BICRA: variants seen among roughly 807,000 people sequenced by gnomAD.
BICRA encodes the protein BRD4 interacting chromatin remodeling complex associated protein.
Under a neutral mutation model 96.9 loss-of-function variants are expected in BICRA, and 31 were observed. The observed-to-expected ratio is 0.32, with a 90% CI of 0.24 to 0.43. The LOEUF is 0.43. Among genes scored for constraint, BICRA ranks in the 20% least tolerant of loss-of-function variants. BICRA has a pLI of 1.00. For missense variants in BICRA, 2,283 were observed against 2,190.3 expected, an observed-to-expected ratio of 1.04 and a Z score of -0.84; for synonymous variants, 1,350 against 1,071.8, an observed-to-expected ratio of 1.26 and a Z score of -5.07.
chr19:47,685,789 G>GCGCGCGCGCGCGCA (rs1555790147), intron 7 of BICRA, among the ~76,000 whole-genome samples: 1 of 117,828 alleles, frequency 8.5e-6, no homozygotes, highest in Admixed American at 8.2e-5. Flanking sequence ...GTGTGTGTGC[G>GCGCGCGCGCGCGCA]CGCGCGCGCG....
intron 1 of BICRA, among the ~76,000 whole-genome samples, chr19:47,659,207 A>G (rs189822084): frequency 1.1e-3 from 160 of 152,342 alleles, no homozygotes; most frequent in African/African-American, 3.6e-3. Flanking sequence ...TCGCTTTATG[A>G]GCAATCTAAG....
rs1037664603 is a variant in BICRA at position 47,681,230 on chromosome 19, C to G, written c.2060C>G (p.Pro687Arg). Residue 687 changes from proline to arginine, a missense_variant, in exon 6 of 15, where the codon CCC becomes CGC. Coordinates refer to ENST00000594866, the MANE Select transcript of BICRA (RefSeq NM_001394372.1). ...CTGGGGCAGCCGCCCTCTGCCACCCCCACGGCCATCCTCACTCAGGACTCC... is the reference window on the plus strand; with the variant it reads ...CTGGGGCAGCCGCCCTCTGCCACCCGCACGGCCATCCTCACTCAGGACTCC... ...IVLGQPPSAT[P>R]TAILTQDSLQ... 44 of 1,536,940 alleles carry G rather than the reference C, an allele frequency of 2.9e-5. No homozygotes were observed. The highest frequency in any genetic ancestry group is 3.6e-5 in the Non-Finnish European group (41 of 1,147,236).
At position 47,699,281 on chromosome 19, in the gene BICRA, G is replaced by T. The variant is rs768352483; in HGVS notation, c.3493-22G>T. 2.1e-6 allele frequency: 3 copies of T among 1,404,924 alleles called. No individual in the cohort carries two copies. Among genetic ancestry groups the T allele is most frequent in the Non-Finnish European group, 2.0e-6 (2 of 1,012,452 alleles). 87.0% of individuals were successfully genotyped at this position (1,404,924 alleles called of 1,614,324 possible). On this transcript the variant is annotated intron_variant, in intron 13 of 14. Coordinates refer to ENST00000594866, the MANE Select transcript of BICRA (RefSeq NM_001394372.1). This position sits in a 1 kb window ranked among gnomAD's most constrained non-coding sequence, Gnocchi z 5.0. ...CCCCTTCTTGCTGGTTCACTCGCAC[G>T]TCGTCTTTTCCCCCACCCCAGAGGG... is the stretch of plus-strand genomic sequence containing the variant.
chr19:47,683,565 T>C (rs1973098144), intron 7 of BICRA, among the ~76,000 whole-genome samples: 1 of 150,738 alleles, frequency 6.6e-6, no homozygotes, highest in Non-Finnish European at 1.5e-5. Flanking sequence ...AGTCATAACA[T>C]AACAGGTTAG....
chr19:47,616,690 C>T (rs1285274606), intron 1 of BICRA, among the ~76,000 whole-genome samples: 1 of 151,964 alleles, frequency 6.6e-6, no homozygotes, highest in African/African-American at 2.4e-5. Context: ...CCACAATTTC[C>T]TCTTCTGTAA....
intron 1 of BICRA, among the ~76,000 whole-genome samples, chr19:47,611,885 T>G (rs1190600908): frequency 6.6e-6 from 1 of 152,002 alleles, no homozygotes; most frequent in Non-Finnish European, 1.5e-5. Flanking sequence ...TTTTTTTTTT[T>G]TTTGAGACAG....
At position 47,694,364 on chromosome 19, in the gene BICRA, C is replaced by G. The variant is rs756624863; in HGVS notation, c.2533C>G (p.Pro845Ala). The G allele has an allele frequency of 2.3e-6, 3 of 1,317,488 alleles. No homozygotes were observed. In the African/African-American group the frequency reaches 4.5e-5, roughly 20 times the overall value. The allele number at this position is 1,317,488 out of a possible 1,614,324, so 81.6% of individuals were successfully genotyped here. The part of the protein sequence containing the change: ...FVIQNQLGVP[P>A]PASNPAPTAP... ...CATCCAAAACCAGCTAGGCGTTCCC[C>G]CGCCTGCCAGCAACCCGGCCCCTAC... Residue 845 changes from proline to alanine, a missense_variant, in exon 8 of 15, where the codon CCG (proline) becomes GCG (alanine). By Grantham distance (27) the Pro-to-Ala change is conservative. Coordinates refer to ENST00000594866, the MANE Select transcript of BICRA (RefSeq NM_001394372.1).
rs1332495875 is a variant in BICRA, at chr19:47,702,136, G to T, written c.4404G>T (p.Gly1468=). The T allele has an allele frequency of 1.3e-6, 2 of 1,542,346 alleles. No homozygotes were observed. The highest frequency in any genetic ancestry group is 1.7e-6 in the Non-Finnish European group (2 of 1,152,072). Residue 1468 remains glycine, a synonymous_variant, in exon 15 of 15, where the codon GGG becomes GGT. Coordinates refer to ENST00000594866, the MANE Select transcript of BICRA (RefSeq NM_001394372.1). The part of the protein sequence containing the change: ...GTGDPDWEAP[G]LPPAKRRKSE... Reference sequence around the variant, plus strand: ...GGGACCCCGACTGGGAGGCGCCCGGGCTGCCCCCTGCCAAGCGGCGCAAGT... The same window carrying T: ...GGGACCCCGACTGGGAGGCGCCCGGTCTGCCCCCTGCCAAGCGGCGCAAGT...
Position 47,694,594 on chromosome 19 carries a change from TC to T in BICRA, c.2768del (p.Pro923LeufsTer24). ...GCCAGGGGCCCCACAAGTCCCCCAC[TC>T]CCCCTCCAACCCTCCACCTGGTCCC... ...PSQGPHKSPTPPPTLHLVPEP... is the reference protein window; with the variant it reads ...PSQGPHKSPTXPPTLHLVPEP... On this transcript the variant is annotated frameshift_variant, in exon 8 of 15. Transcript: ENST00000594866. LOFTEE classifies it high-confidence loss of function. 1 of 1,378,286 alleles carries T rather than the reference TC, an allele frequency of 7.3e-7. No individual in the cohort carries two copies. The highest frequency in any genetic ancestry group is 9.8e-7 in the Non-Finnish European group (1 of 1,022,642). 85.4% of individuals were successfully genotyped at this position (1,378,286 alleles called of 1,614,324 possible). A position where few individuals can be genotyped will look rare whatever the true frequency, so the allele number is the denominator to read the frequency against.
rs777169163 is a variant in BICRA at position 47,698,591 on chromosome 19, C to G, written c.3249-43C>G. 1.0e-5 allele frequency: 9 copies of G among 878,076 alleles called. No homozygotes were observed. Among genetic ancestry groups the G allele is most frequent in the Non-Finnish European group, 1.7e-5 (9 of 521,926 alleles). The allele number at this position is 878,076 out of a possible 1,614,324, so 54.4% of individuals were successfully genotyped here. On this transcript the variant is annotated intron_variant, in intron 11 of 14. Transcript: ENST00000594866. The surrounding 1 kb of genome is among the most constrained non-coding windows in gnomAD (Gnocchi z 4.8). ...CTTCCCCTGGCCCTCACCCGTCCCC[C>G]CCACCCTCCGCCGTGTGTGGTCTCT...
rs1013141850 is a variant in BICRA, at chr19:47,661,438, G to T, written c.-107-9005G>T. 1.6e-4 allele frequency among the ~76,000 whole-genome samples: 25 copies of T among 151,980 alleles called. 1 individual carries two copies. The highest frequency in any genetic ancestry group is 6.0e-4 in the African/African-American group (25 of 41,368). On this transcript the variant is annotated intron_variant, in intron 1 of 14. Coordinates refer to ENST00000594866, the MANE Select transcript of BICRA (RefSeq NM_001394372.1). ...CAGTCGGTGGCCAGCGAGGAAGGGG[G>T]TTCGCGGGGAGGAGCAGAGGCCAGA...
chr19:47,673,474 C>T (rs547946012), intron 2 of BICRA, 96 bp from the exon 3 acceptor site: 2 of 928,154 alleles, frequency 2.2e-6, no homozygotes, highest in African/African-American at 3.2e-5. Context: ...AAACTCTGAC[C>T]CCCTCCAGGG....
Position 47,694,938 on chromosome 19 carries a change from G to A in BICRA, c.2934G>A (p.Gly978=), listed in dbSNP as rs772533579. Residue 978 remains glycine, a synonymous_variant, in exon 9 of 15, where the codon GGG becomes GGA. Coordinates refer to ENST00000594866, the MANE Select transcript of BICRA (RefSeq NM_001394372.1). ...TCATCCTCCAGAACAAGGCTGGGGG[G>A]GCCCCTGCCGCCCCGCAGACCTCCA... ...SGIILQNKAG[G]APAAPQTSTS... 2.6e-6 allele frequency: 4 copies of A among 1,531,286 alleles called. No homozygotes were observed. Among genetic ancestry groups the A allele is most frequent in the African/African-American group, 1.4e-5 (1 of 71,676 alleles). The allele number at this position is 1,531,286 out of a possible 1,614,324, so 94.9% of individuals were successfully genotyped here. A position where few individuals can be genotyped will look rare whatever the true frequency, so the allele number is the denominator to read the frequency against.
chr19:47,618,798 C>T (rs1209230317), intron 1 of BICRA, among the ~76,000 whole-genome samples: 5 of 152,208 alleles, frequency 3.3e-5, no homozygotes, highest in South Asian at 2.1e-4. Flanking sequence ...CTTGAGGGAG[C>T]GCCTGGTGGC....
chr19:47,691,436 G>C lies in BICRA; in HGVS notation c.2284-2679G>C, dbSNP rs556846642. Among the ~76,000 whole-genome samples the C allele has an allele frequency of 9.2e-5, 14 of 152,326 alleles. No individual in the cohort carries two copies. In the South Asian group the frequency reaches 2.9e-3, roughly 32 times the overall value. ...TGGCTGCCTCCCACGTCTACCCATT[G>C]TCAGCCTTTTGCTACATCTGCCTTG... On this transcript the variant is annotated intron_variant, in intron 7 of 14. Transcript: ENST00000594866.
chr19:47,615,084 A>G (rs116494462), intron 1 of BICRA, among the ~76,000 whole-genome samples: 4,082 of 152,224 alleles, frequency 0.027, 168 homozygotes, highest in African/African-American at 0.092. Context: ...CCTGGGCTCA[A>G]GTGAGCCTCG....
At position 47,680,598 on chromosome 19, in the gene BICRA, C is replaced by T. The variant is rs200632922; in HGVS notation, c.1428C>T (p.Gly476=). The part of the protein sequence containing the change: ...LPGQNQFLLP[G]APAVQLPQQL... ...GCCAGAACCAGTTCCTACTGCCTGG[C>T]GCCCCGGCGGTCCAGCTCCCGCAGC... is the stretch of plus-strand genomic sequence containing the variant. Residue 476 remains glycine (G), a synonymous_variant, in exon 6 of 15, where the codon GGC becomes GGT. Coordinates refer to ENST00000594866, the MANE Select transcript of BICRA (RefSeq NM_001394372.1). 2,134 of 1,608,310 alleles carry T rather than the reference C, an allele frequency of 1.3e-3. 4 individuals carry two copies. The highest frequency in any genetic ancestry group is 2.0e-3 in the Middle Eastern group (12 of 6,052).
At chr19:47,609,663 A>G (rs1266923543) in intron 1 of BICRA, among the ~76,000 whole-genome samples, 1 of 151,540 alleles carries the variant, frequency 6.6e-6, no homozygotes, top group African/African-American at 2.4e-5. Flanking sequence ...CTTTCGGGGA[A>G]GGCGAAGGCC....
intron 2 of BICRA, among the ~76,000 whole-genome samples, chr19:47,673,076 A>T (rs1310821839): frequency 6.6e-6 from 1 of 151,758 alleles, no homozygotes; most frequent in Non-Finnish European, 1.5e-5. Context: ...TGTAGGACAG[A>T]CCCCCACCAC....
Sources: allele counts gnomAD v4.1 joint callset (sites outside exome capture counted in the v4.1 genomes callset), GRCh38; gene constraint gnomAD v4.1.1; non-coding constraint Gnocchi (gnomAD v3.1); transcripts MANE v1.5; gene names NCBI Gene and HGNC (gene_info 2026-07-23, HGNC 2026-07-21).